The following ARIH1 variants were observed in gnomAD, a reference collection of about 807,000 sequenced individuals.
The protein encoded by ARIH1 is ariadne RBR E3 ubiquitin protein ligase 1, also known as E3 ubiquitin-protein ligase ARIH1.
ARIH1 carries 8 observed loss-of-function variants against 85.0 expected under a neutral mutation model. That is an observed-to-expected ratio of 0.09 (90% CI 0.06 to 0.17). The LOEUF is 0.17. Among genes scored for constraint, ARIH1 ranks in the 10% least tolerant of loss-of-function variants. The pLI, the probability that ARIH1 is intolerant of heterozygous loss-of-function variation, is 1.00. For missense variants in ARIH1, 311 were observed against 718.1 expected, an observed-to-expected ratio of 0.43 and a Z score of 6.48; for synonymous variants, 238 against 253.6, an observed-to-expected ratio of 0.94 and a Z score of 0.59.
At chr15:72,527,490 G>A (rs1178016167) in intron 2 of ARIH1, among the ~76,000 whole-genome samples, 1 of 151,238 alleles carries the variant, frequency 6.6e-6, no homozygotes, top group Non-Finnish European at 1.5e-5. Flanking sequence ...TGTGTCCTCT[G>A]TTTACCTTGC....
At chr15:72,492,015 G>T (rs1376373503) in intron 1 of ARIH1, among the ~76,000 whole-genome samples, 1 of 152,064 alleles carries the variant, frequency 6.6e-6, no homozygotes, top group African/African-American at 2.4e-5. Flanking sequence ...CATTGCTGTG[G>T]CCTCTGAATC....
chr15:72,566,578 A>G lies in ARIH1; in HGVS notation c.927A>G (p.Glu309=). The change falls in exon 8 of 14, where the codon GAA becomes GAG. Residue 309 remains glutamate, a synonymous_variant. Coordinates refer to ENST00000379887, the MANE Select transcript of ARIH1 (RefSeq NM_005744.5). The stretch of plus-strand genomic sequence containing the variant: ...CACTTAACAGCTTTAACTGTGGAGA[A>G]AATTGGCATGATCCTGTTAAATGTA... ...CGRQFCFNCG[E]NWHDPVKCKW... 6.2e-7 allele frequency: 1 copy of G among 1,612,908 alleles called. No individual in the cohort carries two copies. Among genetic ancestry groups the G allele is most frequent in the Non-Finnish European group, 8.5e-7 (1 of 1,179,390 alleles).
In ARIH1 at chr15:72,590,041, C is replaced by T. The variant is rs993605921; in HGVS notation, c.*6749C>T. 4 of 152,114 alleles carry T rather than the reference C, an allele frequency of 2.6e-5. No homozygotes were observed. The highest frequency in any genetic ancestry group is 9.7e-5 in the African/African-American group (4 of 41,430). The allele number at this position is 152,114 out of a possible 1,614,324, so 9.4% of individuals were successfully genotyped here. A position where few individuals can be genotyped will look rare whatever the true frequency, so the allele number is the denominator to read the frequency against. ...AAGCTCAAATAAAATGGGTAGTTTC[C>T]TTGAGGTCATCCTGTTAGTAAGTGG... On this transcript the variant is annotated 3_prime_UTR_variant, in exon 14 of 14. Coordinates refer to ENST00000379887, the MANE Select transcript of ARIH1 (RefSeq NM_005744.5).
intron 1 of ARIH1, among the ~76,000 whole-genome samples, chr15:72,486,642 C>A (rs2063838414): frequency 6.9e-6 from 1 of 145,922 alleles, no homozygotes. Flanking sequence ...TCTGCTCTGG[C>A]AAATCAGCTT....
chr15:72,488,914 C>T (rs759847142), intron 1 of ARIH1, among the ~76,000 whole-genome samples: 7 of 152,104 alleles, frequency 4.6e-5, no homozygotes, highest in Non-Finnish European at 8.8e-5. Flanking sequence ...AGTTCCCTGG[C>T]GCTGGGTGTG....
chr15:72,558,832 A>C (rs2064185654), intron 5 of ARIH1, among the ~76,000 whole-genome samples: 1 of 152,064 alleles, frequency 6.6e-6, no homozygotes, highest in South Asian at 2.1e-4. Flanking sequence ...CCAGGTTTAG[A>C]TAGCTTTTTA....
rs372491098 is a variant in ARIH1 at position 72,537,576 on chromosome 15, C to T, written c.444-7244C>T. ...TTACTTTTGCTTTTTATAAATGTGACGGCAGTTCTTATTCATTCGTATGAT... is the reference window on the plus strand; with the variant it reads ...TTACTTTTGCTTTTTATAAATGTGATGGCAGTTCTTATTCATTCGTATGAT... On this transcript the variant is annotated intron_variant, in intron 2 of 13. Transcript: ENST00000379887. Among the ~76,000 whole-genome samples the T allele has an allele frequency of 1.4e-4, 21 of 152,234 alleles. No individual in the cohort carries two copies. In the East Asian group the frequency reaches 2.3e-3, roughly 17 times the overall value.
rs137979210 is a variant in ARIH1, at chr15:72,591,729, A to T, written c.*8437A>T. The T allele has an allele frequency of 6.6e-6, 1 of 152,364 alleles. No homozygotes were observed. The highest frequency in any genetic ancestry group is 2.4e-5 in the African/African-American group (1 of 41,590). 9.4% of individuals were successfully genotyped at this position (152,364 alleles called of 1,614,324 possible). Reference sequence around the variant, plus strand: ...CCTTCTTGGGCAAATAGACATTCTCATGGAATGCTCTAAAATTGTTAAGTT... The same window carrying T: ...CCTTCTTGGGCAAATAGACATTCTCTTGGAATGCTCTAAAATTGTTAAGTT... On this transcript the variant is annotated 3_prime_UTR_variant, in exon 14 of 14. Transcript: ENST00000379887.
chr15:72,538,089 C>T (rs555995864), intron 2 of ARIH1, among the ~76,000 whole-genome samples: 227 of 152,224 alleles, frequency 1.5e-3, no homozygotes, highest in African/African-American at 5.1e-3. Flanking sequence ...AGAGGCTGGG[C>T]GTGGTAGCTC....
Position 72,596,761 on chromosome 15 carries a change from G to A in ARIH1, c.*13469G>A, listed in dbSNP as rs897858836. 9 of 152,016 alleles carry A rather than the reference G, an allele frequency of 5.9e-5. No homozygotes were observed. The highest frequency in any genetic ancestry group is 5.9e-4 in the Admixed American group (9 of 15,284). 9.4% of individuals were successfully genotyped at this position (152,016 alleles called of 1,614,324 possible). ...CTCCATTTAAAAATTTTTATTTTTAGTTATTTATGGATACATAGTTGTACT... is the reference window on the plus strand; with the variant it reads ...CTCCATTTAAAAATTTTTATTTTTAATTATTTATGGATACATAGTTGTACT... On this transcript the variant is annotated 3_prime_UTR_variant, in exon 14 of 14. Transcript: ENST00000379887.
chr15:72,507,154 C>T (rs997171736), intron 1 of ARIH1, among the ~76,000 whole-genome samples: 1 of 152,052 alleles, frequency 6.6e-6, no homozygotes, highest in African/African-American at 2.4e-5. Flanking sequence ...TCCCAAGTAG[C>T]TAGGACTATA....
At position 72,582,995 on chromosome 15, in the gene ARIH1, G is replaced by T. The variant is rs1186695683; in HGVS notation, c.1590-213G>T. On this transcript the variant is annotated intron_variant, in intron 13 of 13. Coordinates refer to ENST00000379887, the MANE Select transcript of ARIH1 (RefSeq NM_005744.5). This position sits in a 1 kb window ranked among gnomAD's most constrained non-coding sequence, Gnocchi z 4.6. ...TATTGCTTTAAAATTAATTCCCATGGAATCATGGCTTTCAGAAAATACCAT... is the reference window on the plus strand; with the variant it reads ...TATTGCTTTAAAATTAATTCCCATGTAATCATGGCTTTCAGAAAATACCAT... Among the ~76,000 whole-genome samples the T allele has an allele frequency of 6.6e-6, 1 of 152,106 alleles. No individual in the cohort carries two copies. The highest frequency in any genetic ancestry group is 1.9e-4 in the East Asian group (1 of 5,200).
At chr15:72,497,768 A>C (rs2063885774) in intron 1 of ARIH1, among the ~76,000 whole-genome samples, 1 of 152,224 alleles carries the variant, frequency 6.6e-6, no homozygotes, top group Non-Finnish European at 1.5e-5. Flanking sequence ...CCAAATGAAA[A>C]GTCAGACAAA....
At position 72,474,866 on chromosome 15, in the gene ARIH1, C is replaced by CCGG; in HGVS notation, c.231_233dup (p.Gly90dup). The CCGG allele has an allele frequency of 7.0e-7, 1 of 1,418,568 alleles. No individual in the cohort carries two copies. The allele number at this position is 1,418,568 out of a possible 1,614,324, so 87.9% of individuals were successfully genotyped here. On this transcript the variant is annotated inframe_insertion, in exon 1 of 14. Coordinates refer to ENST00000379887, the MANE Select transcript of ARIH1 (RefSeq NM_005744.5). Reference sequence around the variant, plus strand: ...GGTGGCGGCGGCAGCGCTCTGGGGCCCGGCGGTGGCGGCGGCGGCGGCGGC... The same window carrying CCGG: ...GGTGGCGGCGGCAGCGCTCTGGGGCCCGGCGGCGGTGGCGGCGGCGGCGGCGGC...
At chr15:72,541,973 A>C (rs759222908) in intron 2 of ARIH1, among the ~76,000 whole-genome samples, 14 of 152,210 alleles carry the variant, frequency 9.2e-5, no homozygotes, top group Admixed American at 2.0e-4. Flanking sequence ...AGGAGCTGTC[A>C]GAGATCAGTT....
intron 3 of ARIH1, among the ~76,000 whole-genome samples, chr15:72,547,587 A>C (rs1231829420): frequency 6.6e-6 from 1 of 152,000 alleles, no homozygotes; most frequent in East Asian, 1.9e-4. Context: ...TTTTCTTCCA[A>C]CCTGAGTATT....
At chr15:72,574,101 T>C (rs889166813) in intron 11 of ARIH1, among the ~76,000 whole-genome samples, 3 of 152,226 alleles carry the variant, frequency 2.0e-5, no homozygotes, top group Admixed American at 6.5e-5. Flanking sequence ...AAAGAAAATA[T>C]ATGTGGTTTA....
chr15:72,554,201 A>T (rs2064165071), intron 3 of ARIH1, among the ~76,000 whole-genome samples: 2 of 151,978 alleles, frequency 1.3e-5, no homozygotes, highest in Admixed American at 6.6e-5. Flanking sequence ...TTTTGTATGG[A>T]TGTATGTTTT....
intron 3 of ARIH1, among the ~76,000 whole-genome samples, chr15:72,546,092 T>C (rs973298480): frequency 1.4e-4 from 22 of 152,242 alleles, no homozygotes; most frequent in African/African-American, 5.1e-4. Flanking sequence ...GTTATGGCTA[T>C]TCACAGGCAC....
Sources: allele counts gnomAD v4.1 joint callset (sites outside exome capture counted in the v4.1 genomes callset), GRCh38; gene constraint gnomAD v4.1.1; non-coding constraint Gnocchi (gnomAD v3.1); transcripts MANE v1.5; gene names NCBI Gene and HGNC (gene_info 2026-07-23, HGNC 2026-07-21).